The following POU6F2 variants were observed in gnomAD, a reference collection of about 807,000 sequenced individuals.
POU6F2 encodes POU class 6 homeobox 2, also known as POU domain, class 6, transcription factor 2.
In POU6F2, 31 loss-of-function variants were observed where a neutral mutation model predicts 71.3. The ratio of observed to expected loss-of-function variants is 0.43; its 90% confidence interval spans 0.33 to 0.59. POU6F2 has a LOEUF of 0.59. Ranked by LOEUF, POU6F2 falls within the 20% of genes least tolerant of loss-of-function variation. The pLI is 0.04. For missense variants in POU6F2, 783 were observed against 856.8 expected (o/e 0.91, Z 1.07); for synonymous variants, 347 against 355.7 (o/e 0.98, Z 0.27).
chr7:39,091,471 T>A (rs921731598), intron 2 of POU6F2, among the ~76,000 whole-genome samples: 1 of 152,224 alleles, frequency 6.6e-6, no homozygotes, highest in Non-Finnish European at 1.5e-5. Flanking sequence ...ACTGTAATTC[T>A]TATATTTTGT....
chr7:39,087,164 ATTTATTTATTTATTTATTTATTT>A (rs1791271027), intron 2 of POU6F2, among the ~76,000 whole-genome samples: 12 of 114,338 alleles, frequency 1.0e-4, no homozygotes, highest in Non-Finnish European at 2.1e-4. Context: ...TAATTAATTT[ATTTATTTATTTATTTATTTATTT>A]ATTTATTTAT....
chr7:39,184,193 T>C (rs1008061648), intron 2 of POU6F2, among the ~76,000 whole-genome samples: 1 of 152,366 alleles, frequency 6.6e-6, no homozygotes, highest in Non-Finnish European at 1.5e-5. Flanking sequence ...AGAATCATCA[T>C]AAAGATTACA....
chr7:39,090,881 G>A (rs1791351406), intron 2 of POU6F2, among the ~76,000 whole-genome samples: 1 of 151,966 alleles, frequency 6.6e-6, no homozygotes, highest in Non-Finnish European at 1.5e-5. Flanking sequence ...AGATGCATAA[G>A]GTATTTGTCA....
At chr7:39,050,505 A>G (rs1348402535) in intron 1 of POU6F2, among the ~76,000 whole-genome samples, 1 of 152,114 alleles carries the variant, frequency 6.6e-6, no homozygotes, top group Non-Finnish European at 1.5e-5. Flanking sequence ...CCTCCAGTCA[A>G]CCAAGGGTAT....
intron 1 of POU6F2, among the ~76,000 whole-genome samples, chr7:39,010,454 T>A (rs1789240283): frequency 1.3e-5 from 2 of 151,874 alleles, no homozygotes; most frequent in Non-Finnish European, 2.9e-5. Flanking sequence ...ATGAATTTTG[T>A]TGATCCTTTC....
At chr7:39,238,157 C>G (rs1794708059) in intron 4 of POU6F2, among the ~76,000 whole-genome samples, 1 of 152,130 alleles carries the variant, frequency 6.6e-6, no homozygotes. Flanking sequence ...TTCAAATCAC[C>G]AGTTACAAAC....
intron 4 of POU6F2, among the ~76,000 whole-genome samples, chr7:39,304,664 T>C (rs1785017332): frequency 6.6e-6 from 1 of 152,046 alleles, no homozygotes; most frequent in Non-Finnish European, 1.5e-5. Flanking sequence ...CATCCAAAGA[T>C]TAAAATAAAA....
intron 4 of POU6F2, among the ~76,000 whole-genome samples, chr7:39,279,821 C>G (rs7805629): frequency 6.6e-6 from 1 of 151,742 alleles, no homozygotes; most frequent in African/African-American, 2.4e-5. Context: ...ATCTCGGCTT[C>G]CTGCAACCTC....
At chr7:39,081,609 C>G (rs1205694002) in intron 1 of POU6F2, among the ~76,000 whole-genome samples, 1 of 152,224 alleles carries the variant, frequency 6.6e-6, no homozygotes, top group Non-Finnish European at 1.5e-5. Flanking sequence ...AAGCTGAATG[C>G]AAGCCTGGGT....
chr7:39,025,419 G>T (rs551368899), intron 1 of POU6F2, among the ~76,000 whole-genome samples: 42 of 152,284 alleles, frequency 2.8e-4, no homozygotes, highest in African/African-American at 9.1e-4. Flanking sequence ...CAATGGAACA[G>T]AACAGAGCCC....
rs1248616337 is a variant in POU6F2, at chr7:39,451,569, G to T, written c.1357G>T (p.Ala453Ser). Reference protein sequence around the residue: ...QPSQTSVGQAASQGNLLHLAH... With the variant: ...QPSQTSVGQASSQGNLLHLAH... Reference sequence around the variant, plus strand: ...CTCCCAGACGTCAGTGGGTCAAGCAGCCTCCCAAGGCAACCTTCTGCACCT... The same window carrying T: ...CTCCCAGACGTCAGTGGGTCAAGCATCCTCCCAAGGCAACCTTCTGCACCT... Residue 453 changes from alanine to serine, a missense_variant, in exon 8 of 10, where the codon GCC becomes TCC. This residue lies in a region of POU6F2 where 572 missense variants were observed against 572.9 expected (regional missense o/e 1.00). Coordinates refer to ENST00000518318, the MANE Select transcript of POU6F2 (RefSeq NM_001370959.1). 1 of 1,613,748 alleles carries T rather than the reference G, an allele frequency of 6.2e-7. No individual in the cohort carries two copies. Among genetic ancestry groups the T allele is most frequent in the African/African-American group, 1.3e-5 (1 of 74,986 alleles).
chr7:39,415,324 A>G (rs1283904295), intron 6 of POU6F2, among the ~76,000 whole-genome samples: 1 of 152,158 alleles, frequency 6.6e-6, no homozygotes, highest in Non-Finnish European at 1.5e-5. Context: ...CTCCTGCCCC[A>G]TCTTTTTAAT....
At chr7:38,987,076 A>G (rs1788481195) in intron 1 of POU6F2, among the ~76,000 whole-genome samples, 2 of 152,138 alleles carry the variant, frequency 1.3e-5, no homozygotes, top group Admixed American at 1.3e-4. Flanking sequence ...AACATAAAAG[A>G]TTTCAGAATT....
At chr7:39,013,024 G>C (rs1336690164) in intron 1 of POU6F2, 1 of 152,258 alleles carries the variant, frequency 6.6e-6, no homozygotes, top group Non-Finnish European at 1.5e-5. Flanking sequence ...TACAGAGGCA[G>C]GCAGGCCTCC....
chr7:39,096,663 G>T (rs1791460360), intron 2 of POU6F2, among the ~76,000 whole-genome samples: 1 of 152,174 alleles, frequency 6.6e-6, no homozygotes, highest in South Asian at 2.1e-4. Context: ...TGATTTGTGT[G>T]ATTAGAAGGC....
At position 39,211,712 on chromosome 7, in the gene POU6F2, C is replaced by T. The variant is rs142700605; in HGVS notation, c.598+4092C>T. On this transcript the variant is annotated intron_variant, in intron 4 of 9. Coordinates refer to ENST00000518318, the MANE Select transcript of POU6F2 (RefSeq NM_001370959.1). ...GCCCTGTAACCCAGCCTCATTGGAA[C>T]CTGGAATGAATTTGGGCATTAGAGC... 1.6e-3 allele frequency among the ~76,000 whole-genome samples: 239 copies of T among 152,250 alleles called. 1 individual carries two copies. Among genetic ancestry groups the T allele is most frequent in the African/African-American group, 5.4e-3 (226 of 41,550 alleles).
rs151177091 is a variant in POU6F2 at position 39,197,104 on chromosome 7, G to A, written c.278-7131G>A. On this transcript the variant is annotated intron_variant, in intron 2 of 9. Coordinates refer to ENST00000518318, the MANE Select transcript of POU6F2 (RefSeq NM_001370959.1). ...GTAAAGTCCAATGGGACATCTGAGC[G>A]TGTAGGAGGGTGGAGGGGGCTTAGA... Among the ~76,000 whole-genome samples the A allele has an allele frequency of 1.8e-3, 278 of 152,326 alleles. 2 individuals carry two copies. The highest frequency in any genetic ancestry group is 6.2e-3 in the African/African-American group (258 of 41,574).
chr7:38,981,656 T>C (rs1227908812), intron 1 of POU6F2, among the ~76,000 whole-genome samples: 4 of 152,228 alleles, frequency 2.6e-5, no homozygotes, highest in South Asian at 2.1e-4. Context: ...AAAGTACTAG[T>C]AGAAGAGAGA....
chr7:39,074,873 C>T (rs1562695642), intron 1 of POU6F2, among the ~76,000 whole-genome samples: 1 of 152,166 alleles, frequency 6.6e-6, no homozygotes, highest in Non-Finnish European at 1.5e-5. Context: ...CTGCTATGAG[C>T]ACTGTTTGTG....
Sources: gnomAD v4.1 joint callset for allele counts (sites outside exome capture counted in the v4.1 genomes callset) on GRCh38, gnomAD v4.1.1 for gene constraint, gnomAD v4.1.1 regional missense constraint, MANE v1.5 for transcripts, NCBI Gene and HGNC (gene_info 2026-07-23, HGNC 2026-07-21) for gene names.